Variants in TRPM1 observed in about 807,000 individuals in gnomAD.
TRPM1 encodes the protein transient receptor potential cation channel subfamily M member 1, also known as TRPM1-203 APA Isoform, Intron 10.
A neutral mutation model predicts 149.4 loss-of-function variants in TRPM1; 113 were observed. The ratio of observed to expected loss-of-function variants is 0.76; its 90% confidence interval spans 0.65 to 0.88. The LOEUF is 0.88. TRPM1 is among the 40% of genes least tolerant of loss of function. The pLI is 0.00. For synonymous variants in TRPM1, 741 were observed against 759.5 expected (o/e 0.98, Z 0.40); for missense variants, 1,976 against 2,038.7 (o/e 0.97, Z 0.59).
chr15:31,148,426 G>T (rs376921978), intron 1 of TRPM1, among the ~76,000 whole-genome samples: 3 of 152,150 alleles, frequency 2.0e-5, no homozygotes, highest in African/African-American at 7.2e-5. Context: ...AGGAGAGAAC[G>T]CTCCATCCTG....
chr15:31,050,270 G>A, intron 12 of TRPM1, 139 bp downstream of exon 12: 2 of 1,233,578 alleles, frequency 1.6e-6, no homozygotes, highest in Admixed American at 1.7e-5. Context: ...AGTTTGAAAT[G>A]CTGACACTAC....
intron 27 of TRPM1, among the ~76,000 whole-genome samples, chr15:31,019,633 C>T (rs1183424588): frequency 6.6e-6 from 1 of 152,196 alleles, no homozygotes; most frequent in Non-Finnish European, 1.5e-5. Context: ...AACTCCTGAC[C>T]TCAAGTGATC....
chr15:31,120,185 T>G (rs994865864), intron 1 of TRPM1, among the ~76,000 whole-genome samples: 1 of 152,064 alleles, frequency 6.6e-6, no homozygotes, highest in Non-Finnish European at 1.5e-5. Flanking sequence ...TATAAAGATA[T>G]AGCAAATTAA....
At chr15:31,124,674 A>AG (rs1838214503) in intron 1 of TRPM1, among the ~76,000 whole-genome samples, 4 of 142,146 alleles carry the variant, frequency 2.8e-5, no homozygotes, top group African/African-American at 1.1e-4. Context: ...AAAAAAAAAA[A>AG]GTCAATCTGA....
At chr15:31,100,500 C>G (rs547066913) in intron 1 of TRPM1, among the ~76,000 whole-genome samples, 2 of 151,996 alleles carry the variant, frequency 1.3e-5, no homozygotes, top group South Asian at 4.2e-4. Flanking sequence ...ATATGCACAA[C>G]TATGATGTAC....
chr15:31,113,096 G>T (rs1176134096), intron 1 of TRPM1, among the ~76,000 whole-genome samples: 2 of 152,160 alleles, frequency 1.3e-5, no homozygotes, highest in African/African-American at 4.8e-5. Flanking sequence ...CCTGTCCAGG[G>T]CTGCTGTCTT....
chr15:31,090,603 C>G (rs1164822331), intron 1 of TRPM1, among the ~76,000 whole-genome samples: 4 of 151,516 alleles, frequency 2.6e-5, no homozygotes, highest in African/African-American at 9.7e-5. Flanking sequence ...TGCCACTGCA[C>G]TCTAGCCTGG....
At chr15:31,021,975 C>A (rs139277541) in intron 27 of TRPM1, among the ~76,000 whole-genome samples, 1 of 152,090 alleles carries the variant, frequency 6.6e-6, no homozygotes, top group Admixed American at 6.5e-5. Flanking sequence ...CAACGTACCC[C>A]ACATATTTCA....
chr15:31,002,084 C>T lies in TRPM1; in HGVS notation c.4616G>A (p.Arg1539Gln), dbSNP rs543202406. 97 of 1,614,212 alleles carry T rather than the reference C, an allele frequency of 6.0e-5. No homozygotes were observed. The South Asian group carries it at 7.2e-4, about 12-fold the overall frequency. The change falls in exon 28 of 28, where the codon CGA (arginine) becomes CAA (glutamine). Residue 1539 changes from arginine to glutamine, a missense_variant. Arg to Gln is a conservative substitution (Grantham distance 43, BLOSUM62 1). Around this residue, in one of 3 missense-constraint regions of TRPM1, gnomAD observed 572 missense variants for 578.9 expected, o/e 0.99. Coordinates refer to ENST00000256552, the MANE Select transcript of TRPM1 (RefSeq NM_001252024.2). ...AATGGTTAGGGACAAGCGAGGGATT[C>T]GAGGAATTGCTTCAGCGACATGGTG... is the stretch of plus-strand genomic sequence containing the variant. ...DEHHVAEAIP[R>Q]IPRLSLTITD...
chr15:31,119,567 A>G (rs1412117221), intron 1 of TRPM1, among the ~76,000 whole-genome samples: 1 of 152,202 alleles, frequency 6.6e-6, no homozygotes, highest in African/African-American at 2.4e-5. Flanking sequence ...ACATAAATGA[A>G]GAGTGTTAGA....
In TRPM1 at chr15:31,112,078, G is replaced by A. The variant is rs539666874; in HGVS notation, c.55-35094C>T. Among the ~76,000 whole-genome samples, 6 of 152,358 alleles carry A rather than the reference G, an allele frequency of 3.9e-5. No individual in the cohort carries two copies. In the South Asian group the frequency reaches 1.2e-3, roughly 32 times the overall value. The stretch of plus-strand genomic sequence containing the variant: ...AGGCAAGGCTGCTAACAGAAAGGTA[G>A]AGAGTGTGAGCATACAGAGCTTGGG... On this transcript the variant is annotated intron_variant, in intron 1 of 26. Transcript: ENST00000542188.
intron 1 of TRPM1, among the ~76,000 whole-genome samples, chr15:31,101,212 T>A (rs2141015202): frequency 6.6e-6 from 1 of 152,202 alleles, no homozygotes; most frequent in East Asian, 1.9e-4. Context: ...AGGCAAGAGG[T>A]TGAGGCCTGG....
At chr15:31,050,060 C>T (rs559003838) in intron 12 of TRPM1, among the ~76,000 whole-genome samples, 6 of 152,332 alleles carry the variant, frequency 3.9e-5, no homozygotes, top group East Asian at 1.9e-4. Context: ...AGGGCTTTTT[C>T]ATGAATTGCA....
Position 31,028,448 on chromosome 15 carries a change from CTCA to C in TRPM1, c.3174_3176del (p.Asp1058del), listed in dbSNP as rs760861084. 2.5e-6 allele frequency: 4 copies of C among 1,614,024 alleles called. No homozygotes were observed. Among genetic ancestry groups the C allele is most frequent in the Non-Finnish European group, 3.4e-6 (4 of 1,180,022 alleles). ...TACAGGGAGGAAGCCGCTTGCCCTC[CTCA>C]TCATATAGGTTCTCACCACAAGGAG... On this transcript the variant is annotated inframe_deletion, in exon 25 of 28. Transcript: ENST00000256552.
At chr15:31,076,501 A>G (rs544110780) in intron 3 of TRPM1, among the ~76,000 whole-genome samples, 1 of 152,344 alleles carries the variant, frequency 6.6e-6, no homozygotes, top group East Asian at 1.9e-4. Context: ...ATCCTTTAAT[A>G]AAGTTATAGC....
chr15:31,088,221 T>C (rs1567044776), intron 1 of TRPM1, among the ~76,000 whole-genome samples: 2 of 152,170 alleles, frequency 1.3e-5, no homozygotes, highest in African/African-American at 4.8e-5. Context: ...CTCTTTAAAA[T>C]GGACTAATCT....
At chr15:31,152,362 TCAGCAGCC>T (rs2141063065) in intron 1 of TRPM1, among the ~76,000 whole-genome samples, 1 of 152,292 alleles carries the variant, frequency 6.6e-6, no homozygotes, top group East Asian at 1.9e-4. Flanking sequence ...AAAGGTGTCT[TCAGCAGCC>T]CTGGGCACTG....
intron 13 of TRPM1, among the ~76,000 whole-genome samples, chr15:31,048,981 G>A (rs546546834): frequency 2.0e-5 from 3 of 152,194 alleles, no homozygotes; most frequent in Non-Finnish European, 4.4e-5. Flanking sequence ...TCCTGGGTGT[G>A]AAACTTAGCT....
chr15:31,147,859 T>A (rs945261370), intron 1 of TRPM1, among the ~76,000 whole-genome samples: 3 of 152,094 alleles, frequency 2.0e-5, no homozygotes, highest in African/African-American at 7.2e-5. Flanking sequence ...GGGGTCCAGG[T>A]CCCCAGGGAG....
Sources: allele counts gnomAD v4.1 joint callset (sites outside exome capture counted in the v4.1 genomes callset), GRCh38; gene constraint gnomAD v4.1.1; regional missense constraint gnomAD v4.1.1; transcripts MANE v1.5; gene names NCBI Gene and HGNC (gene_info 2026-07-23, HGNC 2026-07-21).